GPC3: variants seen among roughly 807,000 people sequenced by gnomAD.
GPC3 encodes the protein glypican 3, also known as glypican-3.
Under a neutral mutation model 34.4 loss-of-function variants are expected in GPC3, and 3 were observed. The observed-to-expected ratio is 0.09, with a 90% CI of 0.04 to 0.23. The LOEUF is 0.23. Ranked by LOEUF, GPC3 falls within the 10% of genes least tolerant of loss-of-function variation. The pLI is 1.00. For synonymous variants in GPC3, 177 were observed against 174.0 expected (o/e 1.02, Z -0.13); for missense variants, 351 against 445.6 (o/e 0.79, Z 1.91).
rs61628394 is a variant in GPC3, at chrX:133,976,966, T to TAAATAAATAAAA, written c.175+8308_175+8309insTTTTATTTATTT. 1.9e-3 allele frequency among the ~76,000 whole-genome samples: 204 copies of TAAATAAATAAAA among 109,020 alleles called. 1 individual carries two copies. The highest frequency in any genetic ancestry group is 6.2e-3 in the African/African-American group (185 of 29,872). The allele number at this position is 109,020 out of a possible 115,157, so 94.7% of individuals were successfully genotyped here. A position where few individuals can be genotyped will look rare whatever the true frequency, so the allele number is the denominator to read the frequency against. On this transcript the variant is annotated intron_variant, in intron 1 of 7. Transcript: ENST00000370818. ...ATAAATAAATAAATAAATAAATAAA[T>TAAATAAATAAAA]GAGGGGCAACAAGGCTCCCAGGGCC... is the stretch of plus-strand genomic sequence containing the variant.
intron 7 of GPC3, among the ~76,000 whole-genome samples, chrX:133,546,400 A>C (rs1271106491): frequency 2.8e-5 from 3 of 108,032 alleles, no homozygotes; most frequent in Non-Finnish European, 5.8e-5. Context: ...GCCAAGATTA[A>C]AAAAAAAAAA....
chrX:133,697,381 T>C (rs1410545858), intron 4 of GPC3, among the ~76,000 whole-genome samples: 2 of 111,649 alleles, frequency 1.8e-5, no homozygotes, highest in Non-Finnish European at 3.8e-5. Flanking sequence ...TTCTAAAGAC[T>C]TGCCCATACT....
At chrX:133,830,770 T>C (rs1345574022) in intron 2 of GPC3, among the ~76,000 whole-genome samples, 2 of 108,726 alleles carry the variant, frequency 1.8e-5, no homozygotes, top group African/African-American at 6.7e-5. Context: ...AAAGAGTGAT[T>C]TTACATGACA....
chrX:133,571,021 C>A (rs1029368985), intron 7 of GPC3, among the ~76,000 whole-genome samples: 3 of 111,810 alleles, frequency 2.7e-5, no homozygotes, highest in Non-Finnish European at 5.6e-5. Context: ...GCATAAGTAT[C>A]ATGAGAATTT....
intron 2 of GPC3, among the ~76,000 whole-genome samples, chrX:133,871,708 A>G (rs758618620): frequency 4.5e-5 from 5 of 112,142 alleles, no homozygotes; most frequent in Non-Finnish European, 7.5e-5. Context: ...ATATAGTGGA[A>G]GTTCATCATC....
intron 2 of GPC3, among the ~76,000 whole-genome samples, chrX:133,885,448 C>T (rs934579148): frequency 1.8e-5 from 2 of 111,497 alleles, no homozygotes; most frequent in Admixed American, 9.6e-5. Context: ...CTCTCTCTCC[C>T]CAACTCAAGG....
intron 4 of GPC3, among the ~76,000 whole-genome samples, chrX:133,693,190 TGTGTGTGTGTGA>T (rs1219551684): frequency 4.7e-5 from 5 of 106,380 alleles, no homozygotes; most frequent in African/African-American, 1.8e-4. Context: ...TGTGTGTGTG[TGTGTGTGTGTGA>T]GACAGAGAGA....
chrX:133,800,594 C>T (rs1323139667), intron 2 of GPC3, among the ~76,000 whole-genome samples: 1 of 112,004 alleles, frequency 8.9e-6, no homozygotes, highest in Non-Finnish European at 1.9e-5. Context: ...TTTTTGTTGT[C>T]ATTTTTAAAA....
intron 3 of GPC3, among the ~76,000 whole-genome samples, chrX:133,718,243 G>A (rs959426540): frequency 2.7e-5 from 3 of 111,456 alleles, no homozygotes; most frequent in Non-Finnish European, 5.7e-5. Flanking sequence ...TGTGTTGATC[G>A]GAATACAATG....
chrX:133,605,171 G>A (rs1417318718), intron 6 of GPC3, among the ~76,000 whole-genome samples: 4 of 101,646 alleles, frequency 3.9e-5, no homozygotes, highest in South Asian at 4.4e-4. Flanking sequence ...CACTTCACAC[G>A]TGGGGGGGGG....
chrX:133,888,876 T>G (rs2076073709), intron 2 of GPC3, among the ~76,000 whole-genome samples: 1 of 112,189 alleles, frequency 8.9e-6, no homozygotes, highest in African/African-American at 3.2e-5. Context: ...ACAAACTAAT[T>G]TGACTCTTTG....
intron 2 of GPC3, among the ~76,000 whole-genome samples, chrX:133,939,384 A>G (rs73568937): frequency 0.051 from 5,654 of 111,796 alleles, 293 homozygotes; most frequent in African/African-American, 0.16. Flanking sequence ...TCTTCTTTAC[A>G]TGTCTAGTAT....
At chrX:133,631,026 A>G (rs115617891) in intron 6 of GPC3, among the ~76,000 whole-genome samples, 5,328 of 112,021 alleles carry the variant, frequency 0.048, 335 homozygotes, top group African/African-American at 0.16. Flanking sequence ...AAGTCTTGCT[A>G]TAAACAAACT....
At chrX:133,691,485 T>G (rs1488001813) in intron 5 of GPC3, among the ~76,000 whole-genome samples, 1 of 105,914 alleles carries the variant, frequency 9.4e-6, no homozygotes, top group East Asian at 2.9e-4. Flanking sequence ...GGCGACAAAG[T>G]GAGACTCTGT....
chrX:133,646,610 C>T (rs2070547372), intron 6 of GPC3, among the ~76,000 whole-genome samples: 1 of 112,252 alleles, frequency 8.9e-6, no homozygotes, highest in African/African-American at 3.2e-5. Flanking sequence ...TGTTTTGGCT[C>T]AGCTCTTCAG....
chrX:133,733,198 A>G (rs2071478850), intron 3 of GPC3, among the ~76,000 whole-genome samples: 1 of 110,866 alleles, frequency 9.0e-6, no homozygotes, highest in African/African-American at 3.3e-5. Flanking sequence ...AAAACCAAAA[A>G]CTGTATGTTC....
At chrX:133,667,754 G>A (rs1438776697) in intron 5 of GPC3, among the ~76,000 whole-genome samples, 1 of 109,425 alleles carries the variant, frequency 9.1e-6, no homozygotes, top group East Asian at 2.9e-4. Context: ...CTACCCAGGA[G>A]GCTCAGGTGG....
intron 6 of GPC3, among the ~76,000 whole-genome samples, chrX:133,631,913 G>A (rs1281624586): frequency 1.9e-5 from 2 of 108,079 alleles, no homozygotes; most frequent in African/African-American, 3.4e-5. Flanking sequence ...GAAGGAGCAC[G>A]TATTAAAAAA....
At chrX:133,577,657 GA>G (rs1448247818) in intron 7 of GPC3, among the ~76,000 whole-genome samples, 2 of 111,815 alleles carry the variant, frequency 1.8e-5, no homozygotes, top group African/African-American at 6.5e-5. Context: ...GATGCATTTG[GA>G]AATCATTTAG....
Sources: gnomAD v4.1 joint callset for allele counts (sites outside exome capture counted in the v4.1 genomes callset) on GRCh38, gnomAD v4.1.1 for gene constraint, MANE v1.5 for transcripts, NCBI Gene and HGNC (gene_info 2026-07-23, HGNC 2026-07-21) for gene names.